The following FAAP20 variants were observed in gnomAD, a reference collection of about 807,000 sequenced individuals.
FAAP20 encodes the protein FA core complex associated protein 20, also known as Fanconi anemia core complex-associated protein 20.
A neutral mutation model predicts 16.2 loss-of-function variants in FAAP20; 12 were observed. The observed-to-expected ratio is 0.74, with a 90% CI of 0.48 to 1.20. FAAP20 has a LOEUF of 1.20. Ranked by LOEUF, FAAP20 falls within the 50% of genes most tolerant of loss-of-function variation. FAAP20 has a pLI of 0.00. For synonymous variants in FAAP20, 141 were observed against 110.7 expected (o/e 1.27, Z -1.72); for missense variants, 288 against 245.8 (o/e 1.17, Z -1.15).
rs1688974257 is a variant in FAAP20 at position 2,199,815 on chromosome 1, C to T, written n.93G>A. On this transcript the variant is annotated non_coding_transcript_exon_variant, in exon 1 of 4. Transcript: ENST00000401813. The surrounding 1 kb of genome is among the most constrained non-coding windows in gnomAD (Gnocchi z 4.5). The stretch of plus-strand genomic sequence containing the variant: ...AAAATTGTCCGGGTGCAGTGTCTCA[C>T]GCCTGCAATCCCAGCACTTTGGGAG... 1 of 222,874 alleles carries T rather than the reference C, an allele frequency of 4.5e-6. No individual in the cohort carries two copies. Among genetic ancestry groups the T allele is most frequent in the Non-Finnish European group, 7.5e-6 (1 of 132,712 alleles). 13.8% of individuals were successfully genotyped at this position (222,874 alleles called of 1,614,324 possible).
chr1:2,203,084 C>T (rs1689110046), upstream of FAAP20, among the ~76,000 whole-genome samples: 5 of 152,262 alleles, frequency 3.3e-5, no homozygotes, highest in South Asian at 1.0e-3. Context: ...CCCCCTTCTG[C>T]TTTTCTCCCT....
In FAAP20 at chr1:2,189,754, G is replaced by A. The variant is rs747681189; in HGVS notation, c.498C>T (p.His166=). 5 of 1,612,588 alleles carry A rather than the reference G, an allele frequency of 3.1e-6. No homozygotes were observed. In the South Asian group the frequency reaches 4.4e-5, roughly 14 times the overall value. ...TGCTTTCGGCCAAGCACTGGGCCAG[G>A]TGGCTGTCAACATCCAGCTGGGTCA... is the stretch of plus-strand genomic sequence containing the variant. ...PRLTQLDVDS[H]LAQCLAESTE... Residue 166 remains histidine (H), a synonymous_variant, in exon 4 of 4, where the codon CAC becomes CAT. Coordinates refer to ENST00000378546, the MANE Select transcript of FAAP20 (RefSeq NM_182533.4).
At chr1:2,184,531 G>C (rs1188044434), downstream of FAAP20, 2 of 1,390,788 alleles carry the variant, frequency 1.4e-6, no homozygotes, top group Non-Finnish European at 2.0e-6. Context: ...CACTCAATCT[G>C]GTAGGGATGA....
At chr1:2,192,899 CTTT>C in intron 3 of FAAP20, 3 of 1,303,422 alleles carry the variant, frequency 2.3e-6, no homozygotes, top group Non-Finnish European at 3.0e-6. Context: ...CGTGCCCGGC[CTTT>C]TCTTTTGTTG....
At chr1:2,194,621 CG>C in intron 1 of FAAP20, 66 bp downstream of exon 1, 2 of 843,770 alleles carry the variant, frequency 2.4e-6, no homozygotes, top group Non-Finnish European at 1.5e-6. Flanking sequence ...GGGAGGCCCG[CG>C]GGGGCGCCGG....
At chr1:2,194,794 C>T (rs898939894), upstream of FAAP20, 1 of 1,067,094 alleles carries the variant, frequency 9.4e-7, no homozygotes, top group South Asian at 4.4e-5. Context: ...CCGCCCCCGC[C>T]CCTCCAGGCC....
At chr1:2,210,402 C>A (rs577835166), downstream of FAAP20, among the ~76,000 whole-genome samples, 20 of 152,266 alleles carry the variant, frequency 1.3e-4, 1 homozygote, top group South Asian at 3.5e-3. Flanking sequence ...CTCCAGCCCC[C>A]CACGGCGCCC....
downstream of FAAP20, among the ~76,000 whole-genome samples, chr1:2,210,410 C>A (rs1689404600): frequency 6.6e-6 from 1 of 152,140 alleles, no homozygotes. Flanking sequence ...CCCCACGGCG[C>A]CCACAGCCCT....
At chr1:2,206,830 C>CA (rs57221891) in intron 1 of FAAP20, among the ~76,000 whole-genome samples, 3,509 of 89,746 alleles carry the variant, frequency 0.039, 190 homozygotes, top group African/African-American at 0.13. Flanking sequence ...GAGACTGTCT[C>CA]AAAAAAAAAA....
downstream of FAAP20, among the ~76,000 whole-genome samples, chr1:2,210,693 T>C (rs1459789461): frequency 6.6e-6 from 1 of 152,222 alleles, no homozygotes; most frequent in Non-Finnish European, 1.5e-5. Context: ...GGTCTCTGCA[T>C]GCACAGCAGA....
chr1:2,185,057 G>A, downstream of FAAP20: 1 of 1,527,670 alleles, frequency 6.5e-7, no homozygotes. Context: ...CCCTTTAACT[G>A]TATCCTTAAC....
At chr1:2,201,207 A>G (rs1173080080), upstream of FAAP20, 2 of 1,224,704 alleles carry the variant, frequency 1.6e-6, no homozygotes, top group Non-Finnish European at 2.1e-6. Flanking sequence ...GGCTCCATCC[A>G]ACGCCTCCCT....
At chr1:2,212,559 TG>T (rs1476456377) in exon 1 of FAAP20, 2 of 158,998 alleles carry the variant, frequency 1.3e-5, no homozygotes, top group Non-Finnish European at 2.7e-5. Context: ...CTCCAAGGCC[TG>T]GGCGGCAGGA....
chr1:2,197,376 G>A (rs531491235), upstream of FAAP20, among the ~76,000 whole-genome samples: 1 of 151,146 alleles, frequency 6.6e-6, no homozygotes, highest in African/African-American at 2.4e-5. Flanking sequence ...GGGGTCTCAA[G>A]TGACCCAGAC....
At chr1:2,211,096 G>A (rs867401616), downstream of FAAP20, among the ~76,000 whole-genome samples, 13 of 152,272 alleles carry the variant, frequency 8.5e-5, no homozygotes, top group African/African-American at 1.7e-4. Context: ...TGGGCACCAC[G>A]GCGGGTGCCT....
At chr1:2,198,559 G>A, upstream of FAAP20, 1 of 770,198 alleles carries the variant, frequency 1.3e-6, no homozygotes, top group South Asian at 1.8e-5. Context: ...CTGCAAATCA[G>A]GCTAAGACAG....
downstream of FAAP20, among the ~76,000 whole-genome samples, chr1:2,209,714 G>A (rs1034872594): frequency 1.3e-5 from 2 of 152,170 alleles, no homozygotes; most frequent in Non-Finnish European, 2.9e-5. Flanking sequence ...GGTGGCGTTC[G>A]GCCACCCCAC....
upstream of FAAP20, chr1:2,203,589 A>G: frequency 1.0e-6 from 1 of 986,100 alleles, no homozygotes; most frequent in Non-Finnish European, 1.2e-6. Context: ...GGCAGGTCCC[A>G]CATTTCTCAG....
chr1:2,207,954 GTC>G (rs1689325426), downstream of FAAP20, among the ~76,000 whole-genome samples: 1 of 148,042 alleles, frequency 6.8e-6, no homozygotes, highest in African/African-American at 2.5e-5. Context: ...GTGTGTGTGT[GTC>G]CGTGCGCGCG....
Sources: gnomAD v4.1 joint callset for allele counts (sites outside exome capture counted in the v4.1 genomes callset) on GRCh38, gnomAD v4.1.1 for gene constraint, Gnocchi (gnomAD v3.1) non-coding constraint, MANE v1.5 for transcripts, NCBI Gene and HGNC (gene_info 2026-07-23, HGNC 2026-07-21) for gene names.